Variants in PITPNC1 observed in about 807,000 individuals in gnomAD.
PITPNC1 encodes the protein cytoplasmic phosphatidylinositol transfer protein 1.
Under a neutral mutation model 44.7 loss-of-function variants are expected in PITPNC1, and 18 were observed. The observed-to-expected ratio is 0.40, with a 90% CI of 0.28 to 0.60. The LOEUF (loss-of-function observed/expected upper bound fraction) is 0.60, where lower values mean the gene tolerates loss of function less well. Ranked by LOEUF, PITPNC1 falls within the 20% of genes least tolerant of loss-of-function variation. The pLI, the probability that PITPNC1 is intolerant of heterozygous loss-of-function variation, is 0.39. For missense variants in PITPNC1, 290 were observed against 418.4 expected, an observed-to-expected ratio of 0.69 and a Z score of 2.68; for synonymous variants, 141 against 149.6, an observed-to-expected ratio of 0.94 and a Z score of 0.42.
At chr17:67,425,429 T>G (rs1347548346) in intron 1 of PITPNC1, among the ~76,000 whole-genome samples, 2 of 151,730 alleles carry the variant, frequency 1.3e-5, no homozygotes, top group Non-Finnish European at 2.9e-5. Flanking sequence ...CCTGTCTTCT[T>G]TCTTTTCCTC....
chr17:67,480,076 C>T (rs12938548), intron 1 of PITPNC1, among the ~76,000 whole-genome samples: 7,411 of 152,206 alleles, frequency 0.049, 246 homozygotes, highest in Middle Eastern at 0.11. Flanking sequence ...TACTGTTTCC[C>T]CTTTTGTGCA....
intron 1 of PITPNC1, among the ~76,000 whole-genome samples, chr17:67,458,193 C>T (rs572517118): frequency 6.6e-6 from 1 of 152,320 alleles, no homozygotes; most frequent in South Asian, 2.1e-4. Context: ...CCTGCCTCCT[C>T]CTGCTTCCTC....
In PITPNC1 at chr17:67,519,688, C is replaced by T. The variant is rs75563084; in HGVS notation, c.49-13114C>T. Among the ~76,000 whole-genome samples, 209 of 152,212 alleles carry T rather than the reference C, an allele frequency of 1.4e-3. 3 individuals are homozygous for T. In the East Asian group the frequency reaches 0.033, roughly 24 times the overall value. On this transcript the variant is annotated intron_variant, in intron 1 of 8. Transcript: ENST00000581322. ...TGCCTCCCTGCAACCAGCCATACAC[C>T]CTCTCTGGCTACAAGTGCCATCCAT...
chr17:67,398,377 T>G (rs1232935127), intron 1 of PITPNC1, among the ~76,000 whole-genome samples: 1 of 152,150 alleles, frequency 6.6e-6, no homozygotes, highest in Non-Finnish European at 1.5e-5. Context: ...TTTTTCTGTA[T>G]AAAAAGTTGT....
At chr17:67,429,129 C>T (rs1279118849) in intron 1 of PITPNC1, among the ~76,000 whole-genome samples, 1 of 152,112 alleles carries the variant, frequency 6.6e-6, no homozygotes, top group Non-Finnish European at 1.5e-5. Flanking sequence ...GCATGAGCCA[C>T]CACGCCCGGC....
chr17:67,397,662 C>G (rs983749856), intron 1 of PITPNC1, among the ~76,000 whole-genome samples: 1 of 152,144 alleles, frequency 6.6e-6, no homozygotes, highest in Non-Finnish European at 1.5e-5. Context: ...CTGGCTCAGA[C>G]CGGAGGACTT....
chr17:67,436,927 T>C, intron 1 of PITPNC1, among the ~76,000 whole-genome samples: 1 of 134,916 alleles, frequency 7.4e-6, no homozygotes, highest in Middle Eastern at 3.5e-3. Context: ...TTTTTTTTTT[T>C]TTTTTTTTTG....
chr17:67,503,234 T>C (rs1045866719), intron 1 of PITPNC1, among the ~76,000 whole-genome samples: 21 of 149,984 alleles, frequency 1.4e-4, no homozygotes, highest in African/African-American at 4.7e-4. Flanking sequence ...GTACTGGGGG[T>C]TGGGGTGGGA....
Position 67,455,536 on chromosome 17 carries a change from T to C in PITPNC1, c.49-77266T>C, listed in dbSNP as rs143771692. 7.7e-4 allele frequency among the ~76,000 whole-genome samples: 117 copies of C among 152,266 alleles called. 1 individual carries two copies. The East Asian group carries it at 0.022, about 28-fold the overall frequency. ...CCTGGGTTCAAGCGATTCTCCTGCCTCAGCGCCAGAGTAGCTGAGGTTACA... is the reference window on the plus strand; with the variant it reads ...CCTGGGTTCAAGCGATTCTCCTGCCCCAGCGCCAGAGTAGCTGAGGTTACA... On this transcript the variant is annotated intron_variant, in intron 1 of 8. Transcript: ENST00000581322.
chr17:67,478,762 C>T lies in PITPNC1; in HGVS notation c.49-54040C>T, dbSNP rs370985483. Among the ~76,000 whole-genome samples, 34 of 152,164 alleles carry T rather than the reference C, an allele frequency of 2.2e-4. 1 individual carries two copies. In the East Asian group the frequency reaches 5.6e-3, roughly 25 times the overall value. On this transcript the variant is annotated intron_variant, in intron 1 of 8. Transcript: ENST00000581322. ...AGGATCTGACCTGGGGAGACTGGAG[C>T]GCTAATTATACGCACAGAAGCCATT...
At chr17:67,575,589 G>C (rs1289831001) in intron 4 of PITPNC1, among the ~76,000 whole-genome samples, 5 of 152,124 alleles carry the variant, frequency 3.3e-5, no homozygotes, top group Non-Finnish European at 7.4e-5. Flanking sequence ...GCCACCAGGG[G>C]TCTCAGCTGG....
intron 1 of PITPNC1, among the ~76,000 whole-genome samples, chr17:67,383,828 C>T (rs529891140): frequency 4.9e-4 from 75 of 151,934 alleles, no homozygotes; most frequent in African/African-American, 1.6e-3. Context: ...CACCTGAGGT[C>T]GGGAGTTTGA....
intron 6 of PITPNC1, among the ~76,000 whole-genome samples, chr17:67,666,384 T>G (rs2042422674): frequency 6.6e-6 from 1 of 152,084 alleles, no homozygotes; most frequent in Non-Finnish European, 1.5e-5. Flanking sequence ...GGGGGACCAG[T>G]GCCTACCTAG....
chr17:67,583,919 T>G lies in PITPNC1; in HGVS notation c.366+5662T>G, dbSNP rs1451272459. Reference sequence around the variant, plus strand: ...TGTTTGTGTGTGTGTGTGTTTGTGTTTAGTAGAGATGGAGTGTCACTGTGT... The same window carrying G: ...TGTTTGTGTGTGTGTGTGTTTGTGTGTAGTAGAGATGGAGTGTCACTGTGT... On this transcript the variant is annotated intron_variant, in intron 5 of 8. Coordinates refer to ENST00000581322, the MANE Select transcript of PITPNC1 (RefSeq NM_012417.4). Among the ~76,000 whole-genome samples the G allele has an allele frequency of 1.9e-3, 251 of 130,902 alleles. 1 individual carries two copies. Among genetic ancestry groups the G allele is most frequent in the African/African-American group, 5.8e-3 (188 of 32,380 alleles). The allele number at this position is 130,902 out of a possible 152,430, so 85.9% of individuals were successfully genotyped here. A position where few individuals can be genotyped will look rare whatever the true frequency, so the allele number is the denominator to read the frequency against.
chr17:67,568,849 C>A (rs1224636065), intron 4 of PITPNC1, among the ~76,000 whole-genome samples: 1 of 152,122 alleles, frequency 6.6e-6, no homozygotes, highest in Non-Finnish European at 1.5e-5. Flanking sequence ...TTTTATTTTT[C>A]TTTTACATTG....
intron 2 of PITPNC1, among the ~76,000 whole-genome samples, chr17:67,534,322 T>G (rs1488738283): frequency 6.6e-6 from 1 of 152,174 alleles, no homozygotes; most frequent in Non-Finnish European, 1.5e-5. Flanking sequence ...TTCGGAATAT[T>G]TGTGGTTAGA....
At chr17:67,418,070 G>A (rs570226153) in intron 1 of PITPNC1, among the ~76,000 whole-genome samples, 189 of 152,118 alleles carry the variant, frequency 1.2e-3, no homozygotes, top group African/African-American at 4.2e-3. Flanking sequence ...ACAAGGCAGC[G>A]TATTGAAATA....
intron 1 of PITPNC1, among the ~76,000 whole-genome samples, chr17:67,472,193 C>T (rs886700100): frequency 6.6e-6 from 1 of 151,806 alleles, no homozygotes; most frequent in African/African-American, 2.4e-5. Flanking sequence ...CAGAGTTACC[C>T]ACCGTAAGCT....
intron 5 of PITPNC1, among the ~76,000 whole-genome samples, chr17:67,580,236 A>C (rs1485156561): frequency 6.6e-6 from 1 of 152,186 alleles, no homozygotes; most frequent in Non-Finnish European, 1.5e-5. Context: ...TGGTCACTGG[A>C]TATTGAAGTA....
Sources: allele counts gnomAD v4.1 joint callset (sites outside exome capture counted in the v4.1 genomes callset), GRCh38; gene constraint gnomAD v4.1.1; transcripts MANE v1.5; gene names NCBI Gene and HGNC (gene_info 2026-07-23, HGNC 2026-07-21).